Variants in ADGRL3 observed in about 807,000 individuals in gnomAD.
ADGRL3 encodes calcium-independent alpha-latrotoxin receptor 3.
ADGRL3 carries 62 observed loss-of-function variants against 153.5 expected under a neutral mutation model. That is an observed-to-expected ratio of 0.40 (90% confidence interval 0.33 to 0.50). The LOEUF (loss-of-function observed/expected upper bound fraction) is 0.50. Among genes scored for constraint, ADGRL3 ranks in the 20% least tolerant of loss-of-function variants. The pLI is 0.47. For missense variants in ADGRL3, 1,641 were observed against 1,859.4 expected (o/e 0.88, Z 2.16); for synonymous variants, 710 against 672.5 (o/e 1.06, Z -0.86).
At chr4:61,769,670 C>T (rs888141482) in intron 8 of ADGRL3, among the ~76,000 whole-genome samples, 13 of 150,652 alleles carry the variant, frequency 8.6e-5, no homozygotes, top group Non-Finnish European at 5.9e-5. Flanking sequence ...AGGGTGAGGC[C>T]GTTTTATAGG....
chr4:61,773,048 C>A (rs1441937837), intron 8 of ADGRL3, among the ~76,000 whole-genome samples: 1 of 152,120 alleles, frequency 6.6e-6, no homozygotes, highest in Admixed American at 6.5e-5. Context: ...ATAAGGTGTT[C>A]ATTACAATGA....
chr4:62,025,218 ACTG>A (rs1401095752), intron 21 of ADGRL3, among the ~76,000 whole-genome samples: 1 of 152,114 alleles, frequency 6.6e-6, no homozygotes, highest in Non-Finnish European at 1.5e-5. Flanking sequence ...CAGATCACTT[ACTG>A]CTATTTTAGA....
chr4:61,856,206 A>G (rs1009725870), intron 9 of ADGRL3, among the ~76,000 whole-genome samples: 1 of 152,152 alleles, frequency 6.6e-6, no homozygotes, highest in African/African-American at 2.4e-5. Context: ...CACCTCTACA[A>G]AAATAAATAA....
chr4:61,653,130 CCTCTCT>C (rs752724765), intron 5 of ADGRL3, among the ~76,000 whole-genome samples: 1 of 139,266 alleles, frequency 7.2e-6, no homozygotes, highest in East Asian at 2.2e-4. Context: ...AAAGAGAAAG[CCTCTCT>C]CTCTCTCTCT....
At chr4:61,352,486 T>A (rs1413366720) in intron 1 of ADGRL3, among the ~76,000 whole-genome samples, 1 of 151,868 alleles carries the variant, frequency 6.6e-6, no homozygotes, top group Non-Finnish European at 1.5e-5. Flanking sequence ...TCTCCCAGGT[T>A]CAATTATCCT....
rs141863329 is a variant in ADGRL3 at position 61,810,705 on chromosome 4, G to A, written c.1400-3104G>A. On this transcript the variant is annotated intron_variant, in intron 8 of 26. Coordinates refer to ENST00000683033, the MANE Select transcript of ADGRL3 (RefSeq NM_001387552.1). ...TACAGCACTGGGCTTTATTGAGCAG[G>A]CCCTTGAAATTTTTACTTCTCTGGC... is the stretch of plus-strand genomic sequence containing the variant. Among the ~76,000 whole-genome samples, 14 of 152,196 alleles carry A rather than the reference G, an allele frequency of 9.2e-5. 1 individual carries two copies. Among genetic ancestry groups the A allele is most frequent in the African/African-American group, 2.6e-4 (11 of 41,548 alleles).
At position 61,996,286 on chromosome 4, in the gene ADGRL3, T is replaced by G; in HGVS notation, c.3237-5T>G. The G allele has an allele frequency of 6.2e-7, 1 of 1,609,532 alleles. No individual in the cohort carries two copies. On this transcript the variant is annotated splice_region_variant and splice_polypyrimidine_tract_variant and intron_variant, in intron 19 of 26. Coordinates refer to ENST00000683033, the MANE Select transcript of ADGRL3 (RefSeq NM_001387552.1). ...ATACCTTCTCTCCCTTGTGTTTCAT[T>G]GCAGATGTTGGCTCCGACTTGACAC...
rs1045248948 is a variant in ADGRL3, at chr4:61,744,094, G to A, written c.1399+10540G>A. Among the ~76,000 whole-genome samples, 3 of 152,172 alleles carry A rather than the reference G, an allele frequency of 2.0e-5. No individual in the cohort carries two copies. The East Asian group carries it at 5.8e-4, about 29-fold the overall frequency. On this transcript the variant is annotated intron_variant, in intron 8 of 26. Coordinates refer to ENST00000683033, the MANE Select transcript of ADGRL3 (RefSeq NM_001387552.1). ...CTGGCTCGGAGGGTCCTAGGCCCAT[G>A]GAGTCTCGCTGATTGCTAGCACAAC...
chr4:62,008,106 G>A (rs889039172), intron 21 of ADGRL3, among the ~76,000 whole-genome samples: 1 of 152,094 alleles, frequency 6.6e-6, no homozygotes, highest in African/African-American at 2.4e-5. Context: ...TTAGAGTGGG[G>A]TGAAGGGAGA....
In ADGRL3 at chr4:62,073,839, T is replaced by A. The variant is rs957152504; in HGVS notation, c.*2931T>A. 6.6e-6 allele frequency: 1 copy of A among 152,074 alleles called. No individual in the cohort carries two copies. The highest frequency in any genetic ancestry group is 1.5e-5 in the Non-Finnish European group (1 of 67,980). The allele number at this position is 152,074 out of a possible 1,614,324, so 9.4% of individuals were successfully genotyped here. A position where few individuals can be genotyped will look rare whatever the true frequency, so the allele number is the denominator to read the frequency against. On this transcript the variant is annotated 3_prime_UTR_variant, in exon 27 of 27. Coordinates refer to ENST00000683033, the MANE Select transcript of ADGRL3 (RefSeq NM_001387552.1). ...TGAACTCTATACATCATAAATGGCA[T>A]GCTTTCAGAGAGACTTAAGATCCCA...
chr4:61,921,157 CT>C (rs2098767233), intron 13 of ADGRL3, among the ~76,000 whole-genome samples: 1 of 151,858 alleles, frequency 6.6e-6, no homozygotes, highest in Middle Eastern at 3.2e-3. Context: ...CTTTTAAAAG[CT>C]ATTTGAAACT....
At chr4:61,685,940 T>G (rs2095434248) in intron 6 of ADGRL3, among the ~76,000 whole-genome samples, 4 of 152,080 alleles carry the variant, frequency 2.6e-5, no homozygotes, top group Admixed American at 2.6e-4. Context: ...AGACTTAGAT[T>G]AATAATATGT....
intron 4 of ADGRL3, among the ~76,000 whole-genome samples, chr4:61,533,283 T>C (rs2098634967): frequency 6.6e-6 from 1 of 152,144 alleles, no homozygotes. Flanking sequence ...ATGTGGCAAG[T>C]GGGATCTCTG....
chr4:61,274,048 C>A (rs2093339605), intron 1 of ADGRL3, among the ~76,000 whole-genome samples: 1 of 151,968 alleles, frequency 6.6e-6, no homozygotes, highest in African/African-American at 2.4e-5. Context: ...AAGGTGAATC[C>A]ATATACAACA....
chr4:61,598,604 G>C (rs192037254), intron 5 of ADGRL3, among the ~76,000 whole-genome samples: 1 of 152,232 alleles, frequency 6.6e-6, no homozygotes, highest in East Asian at 1.9e-4. Flanking sequence ...TGGCACTTTT[G>C]AAAATAGTAT....
intron 8 of ADGRL3, among the ~76,000 whole-genome samples, chr4:61,806,268 G>C (rs1292097764): frequency 6.6e-6 from 1 of 151,992 alleles, no homozygotes; most frequent in Admixed American, 6.6e-5. Flanking sequence ...AAAGTGAAAG[G>C]ATGTTTTGGT....
intron 8 of ADGRL3, among the ~76,000 whole-genome samples, chr4:61,745,504 T>G (rs1006169164): frequency 5.3e-5 from 8 of 152,084 alleles, no homozygotes; most frequent in African/African-American, 1.7e-4. Flanking sequence ...GACTAACAGC[T>G]GATCTCTCGG....
At chr4:61,276,519 A>T (rs2093468565) in intron 1 of ADGRL3, among the ~76,000 whole-genome samples, 1 of 152,142 alleles carries the variant, frequency 6.6e-6, no homozygotes, top group Admixed American at 6.6e-5. Context: ...TGGGGCTAGA[A>T]ATTCCTGTAC....
At chr4:61,873,373 G>A (rs142621679) in intron 9 of ADGRL3, among the ~76,000 whole-genome samples, 18 of 152,270 alleles carry the variant, frequency 1.2e-4, no homozygotes, top group African/African-American at 1.4e-4. Flanking sequence ...TAATTCAAGC[G>A]TGCAATTGAG....
Sources: gnomAD v4.1 joint callset for allele counts (sites outside exome capture counted in the v4.1 genomes callset) on GRCh38, gnomAD v4.1.1 for gene constraint, MANE v1.5 for transcripts, NCBI Gene and HGNC (gene_info 2026-07-23, HGNC 2026-07-21) for gene names.